ZNF799: variants seen among roughly 807,000 people sequenced by gnomAD.
ZNF799 encodes the protein zinc finger protein 799.
Under a neutral mutation model 41.0 loss-of-function variants are expected in ZNF799, and 28 were observed. The observed-to-expected ratio is 0.68, with a 90% CI of 0.51 to 0.94. The LOEUF (loss-of-function observed/expected upper bound fraction) is 0.94. ZNF799 is among the 40% of genes least tolerant of loss of function. ZNF799 has a pLI of 0.00. For missense variants in ZNF799, 716 were observed against 764.3 expected, an observed-to-expected ratio of 0.94 and a Z score of 0.74; for synonymous variants, 213 against 252.9, an observed-to-expected ratio of 0.84 and a Z score of 1.50.
upstream of ZNF799, among the ~76,000 whole-genome samples, chr19:12,401,539 T>C (rs1454409793): frequency 7.7e-6 from 1 of 130,140 alleles, no homozygotes; most frequent in African/African-American, 2.9e-5. Flanking sequence ...AAAACAATTA[T>C]ACTTTTTTTT....
At chr19:12,403,939 T>C (rs1970014243), upstream of ZNF799, among the ~76,000 whole-genome samples, 1 of 152,238 alleles carries the variant, frequency 6.6e-6, no homozygotes, top group Non-Finnish European at 1.5e-5. Flanking sequence ...TAGGTTTTGG[T>C]ATGTTGCATT....
the ZNF799 span, among the ~76,000 whole-genome samples, chr19:12,413,498 T>C: frequency 6.6e-6 from 1 of 152,116 alleles, no homozygotes; most frequent in African/African-American, 2.4e-5. Flanking sequence ...TTTCAGAAAA[T>C]GAAAGCCCAC....
Position 12,392,308 on chromosome 19 carries a change from G to A in ZNF799, c.192-102C>T, listed in dbSNP as rs1252990269. On this transcript the variant is annotated intron_variant, in intron 3 of 3. Coordinates refer to ENST00000430385, the MANE Select transcript of ZNF799 (RefSeq NM_001080821.3). ...CATTTTTAACACTATCATGCAAAGTGCAGGCTTCGTGTCCTGCTTGAACGT... is the reference window on the plus strand; with the variant it reads ...CATTTTTAACACTATCATGCAAAGTACAGGCTTCGTGTCCTGCTTGAACGT... 16 of 1,494,456 alleles carry A rather than the reference G, an allele frequency of 1.1e-5. No individual in the cohort carries two copies. The South Asian group carries it at 1.7e-4, about 16-fold the overall frequency. 92.6% of individuals were successfully genotyped at this position (1,494,456 alleles called of 1,614,324 possible).
intron 2 of ZNF799, among the ~76,000 whole-genome samples, chr19:12,393,048 A>ATAT (rs1969848659): frequency 6.8e-6 from 1 of 147,622 alleles, no homozygotes; most frequent in Non-Finnish European, 1.5e-5. Flanking sequence ...TAATAATACG[A>ATAT]CATAAAATAT....
At chr19:12,413,233 A>G in the ZNF799 span, among the ~76,000 whole-genome samples, 1 of 152,118 alleles carries the variant, frequency 6.6e-6, no homozygotes, top group Admixed American at 6.5e-5. Flanking sequence ...GTATGTTGTC[A>G]TGTGTAACCA....
rs1438987063 is a variant in ZNF799, at chr19:12,392,064, T to C, written c.334A>G (p.Ile112Val). Reference protein sequence around the residue: ...PYESRMSGEVIMGHSSLNCYI... With the variant: ...PYESRMSGEVVMGHSSLNCYI... The stretch of plus-strand genomic sequence containing the variant: ...CAATTAAGGGATGAATGACCCATGA[T>C]GACTTCTCCACTCATACGGCTTTCA... Residue 112 changes from isoleucine to valine, a missense_variant, in exon 4 of 4, where the codon ATC becomes GTC. Transcript: ENST00000430385. 3 of 1,614,062 alleles carry C rather than the reference T, an allele frequency of 1.9e-6. No homozygotes were observed. Among genetic ancestry groups the C allele is most frequent in the African/African-American group, 2.7e-5 (2 of 74,936 alleles).
rs557484140 is a variant in ZNF799, at chr19:12,400,787, C to G, written c.3+281G>C. The G allele has an allele frequency of 1.1e-3, 652 of 584,734 alleles. 8 individuals are homozygous for G. Among genetic ancestry groups the G allele is most frequent in the South Asian group, 6.9e-3 (336 of 48,844 alleles). The allele number at this position is 584,734 out of a possible 1,614,324, so 36.2% of individuals were successfully genotyped here. A position where few individuals can be genotyped will look rare whatever the true frequency, so the allele number is the denominator to read the frequency against. Reference sequence around the variant, plus strand: ...TGAGTCGGGCCGCGAACCTGTGTTGCTTACAGCCGCACAATCTCGGGAGAC... The same window carrying G: ...TGAGTCGGGCCGCGAACCTGTGTTGGTTACAGCCGCACAATCTCGGGAGAC... On this transcript the variant is annotated intron_variant, in intron 1 of 3. Transcript: ENST00000430385.
the ZNF799 span, among the ~76,000 whole-genome samples, chr19:12,407,045 A>G: frequency 6.6e-6 from 1 of 152,234 alleles, no homozygotes. Context: ...AATGAAGACA[A>G]AACAACTAAA....
chr19:12,410,797 T>C, the ZNF799 span, among the ~76,000 whole-genome samples: 1 of 152,110 alleles, frequency 6.6e-6, no homozygotes, highest in African/African-American at 2.4e-5. Context: ...TTCAGAGCAA[T>C]TGCATGTCTA....
upstream of ZNF799, among the ~76,000 whole-genome samples, chr19:12,401,595 AG>A: frequency 8.9e-6 from 1 of 112,730 alleles, no homozygotes; most frequent in South Asian, 3.0e-4. Context: ...AGAGAGAGAG[AG>A]AGAGGGAGTC....
chr19:12,407,565 A>G, the ZNF799 span, among the ~76,000 whole-genome samples: 1 of 152,176 alleles, frequency 6.6e-6, no homozygotes, highest in African/African-American at 2.4e-5. Context: ...TACATATGCA[A>G]ACTACATAAA....
In ZNF799 at chr19:12,390,066, G is replaced by C. The variant is rs1969783767; in HGVS notation, c.*400C>G. On this transcript the variant is annotated 3_prime_UTR_variant, in exon 4 of 4. Transcript: ENST00000430385. ...ATGTTCTGGCTGACTATACTATGTT[G>C]ATAGGCTGACAATTACTGCATCTAT... 1 of 257,364 alleles carries C rather than the reference G, an allele frequency of 3.9e-6. No homozygotes were observed. The highest frequency in any genetic ancestry group is 5.0e-5 in the Admixed American group (1 of 19,988). The allele number at this position is 257,364 out of a possible 1,614,324, so 15.9% of individuals were successfully genotyped here. A position where few individuals can be genotyped will look rare whatever the true frequency, so the allele number is the denominator to read the frequency against.
At chr19:12,405,275 C>T (rs572691378), upstream of ZNF799, among the ~76,000 whole-genome samples, 1 of 152,208 alleles carries the variant, frequency 6.6e-6, no homozygotes, top group Non-Finnish European at 1.5e-5. Flanking sequence ...CTGACTAATA[C>T]ACCATCTAAA....
chr19:12,412,420 G>A, the ZNF799 span, among the ~76,000 whole-genome samples: 1 of 152,034 alleles, frequency 6.6e-6, no homozygotes, highest in Non-Finnish European at 1.5e-5. Context: ...ATTTTGTTGA[G>A]TTGCCTTTTC....
At position 12,391,973 on chromosome 19, in the gene ZNF799, G is replaced by A. The variant is rs12974755; in HGVS notation, c.425C>T (p.Thr142Met). ...EYHECGEKPDTHKQRGKAFSY... is the reference protein window; with the variant it reads ...EYHECGEKPDMHKQRGKAFSY... The stretch of plus-strand genomic sequence containing the variant: ...GAAGGCTTTCCCACGTTGTTTATGC[G>A]TATCTGGCTTCTCTCCACATTCATG... The change falls in exon 4 of 4, where the codon ACG (threonine) becomes ATG (methionine). Residue 142 changes from threonine (T) to methionine (M), a missense_variant. This residue lies in a region of ZNF799 where 698 missense variants were observed against 713.6 expected (regional missense o/e 0.98). Coordinates refer to ENST00000430385, the MANE Select transcript of ZNF799 (RefSeq NM_001080821.3). 228,752 of 1,614,016 alleles carry A rather than the reference G, an allele frequency of 0.14. 17,132 individuals carry two copies. Among genetic ancestry groups the A allele is most frequent in the Middle Eastern group, 0.17 (1,022 of 6,062 alleles).
Position 12,396,807 on chromosome 19 carries a change from G to GA in ZNF799, c.4-3385dup, listed in dbSNP as rs141586270. Among the ~76,000 whole-genome samples, 30 of 149,988 alleles carry GA rather than the reference G, an allele frequency of 2.0e-4. No individual in the cohort carries two copies. In the East Asian group the frequency reaches 2.7e-3, roughly 14 times the overall value. ...AACCAATTGAAATTAATCTAATGGG[G>GA]AAAAAAAAAGGAATGAAATTGAGAG... On this transcript the variant is annotated intron_variant, in intron 1 of 3. Transcript: ENST00000430385.
the ZNF799 span, among the ~76,000 whole-genome samples, chr19:12,411,818 G>T: frequency 2.0e-5 from 3 of 152,012 alleles, no homozygotes; most frequent in Admixed American, 6.6e-5. Context: ...TTACCATGTT[G>T]GTCAGGCTGG....
In ZNF799 at chr19:12,390,397, C is replaced by T. The variant is rs1599604378; in HGVS notation, c.*69G>A. On this transcript the variant is annotated 3_prime_UTR_variant, in exon 4 of 4. Transcript: ENST00000430385. ...CACAGGGTCTATCTCCAATGTGTTT[C>T]GTACAAGTATCTGAAATGAAATAAA... 6.9e-6 allele frequency: 11 copies of T among 1,601,630 alleles called. No homozygotes were observed. The East Asian group carries it at 8.9e-5, about 13-fold the overall frequency.
intron 1 of ZNF799, chr19:12,400,733 C>G (rs946874669): frequency 3.8e-6 from 2 of 530,624 alleles, no homozygotes; most frequent in African/African-American, 4.1e-5. Context: ...TAAACTGTTT[C>G]TGCTGCAGCC....
Sources: allele counts gnomAD v4.1 joint callset (sites outside exome capture counted in the v4.1 genomes callset), GRCh38; gene constraint gnomAD v4.1.1; regional missense constraint gnomAD v4.1.1; transcripts MANE v1.5; gene names NCBI Gene and HGNC (gene_info 2026-07-23, HGNC 2026-07-21).